The following C1QTNF3 variants were observed in gnomAD, a reference collection of about 807,000 sequenced individuals.
C1QTNF3 encodes complement C1q tumor necrosis factor-related protein 3.
A neutral mutation model predicts 32.6 loss-of-function variants in C1QTNF3; 26 were observed. The observed-to-expected ratio is 0.80, with a 90% CI of 0.58 to 1.11. The LOEUF is 1.11. C1QTNF3 is among the 50% of genes least tolerant of loss of function. C1QTNF3 has a pLI of 0.00. For missense variants in C1QTNF3, 362 were observed against 398.2 expected, an observed-to-expected ratio of 0.91 and a Z score of 0.77; for synonymous variants, 155 against 146.0, an observed-to-expected ratio of 1.06 and a Z score of -0.44.
the C1QTNF3 span, among the ~76,000 whole-genome samples, chr5:34,229,545 G>C: frequency 6.6e-6 from 1 of 152,146 alleles, no homozygotes; most frequent in Non-Finnish European, 1.5e-5. Context: ...GCAGGACAGA[G>C]TTTGCAAATG....
chr5:34,173,209 C>T, the C1QTNF3 span, among the ~76,000 whole-genome samples: 6 of 151,938 alleles, frequency 3.9e-5, no homozygotes, highest in Non-Finnish European at 7.4e-5. Flanking sequence ...ATTAGATTTC[C>T]GCATGTATGA....
chr5:34,224,798 A>T, the C1QTNF3 span, among the ~76,000 whole-genome samples: 1 of 152,196 alleles, frequency 6.6e-6, no homozygotes, highest in South Asian at 2.1e-4. Context: ...CAAAATTGAC[A>T]AATGGGATCT....
At chr5:34,158,927 G>A in the C1QTNF3 span, among the ~76,000 whole-genome samples, 1 of 151,246 alleles carries the variant, frequency 6.6e-6, no homozygotes, top group African/African-American at 2.4e-5. Flanking sequence ...CTGAAGTGAG[G>A]GATTTAGGAG....
the C1QTNF3 span, among the ~76,000 whole-genome samples, chr5:34,122,185 G>A: frequency 4.6e-5 from 7 of 152,306 alleles, no homozygotes; most frequent in South Asian, 1.5e-3. Context: ...GAGGCTAAAA[G>A]AGTTTCAAAG....
chr5:34,105,465 T>G, the C1QTNF3 span, among the ~76,000 whole-genome samples: 1 of 151,922 alleles, frequency 6.6e-6, no homozygotes, highest in Non-Finnish European at 1.5e-5. Flanking sequence ...GACCCTCTCC[T>G]TGTGCTAGAA....
chr5:34,197,833 T>C, the C1QTNF3 span, among the ~76,000 whole-genome samples: 105 of 152,216 alleles, frequency 6.9e-4, 2 homozygotes, highest in East Asian at 0.015. Context: ...ATCAAGGTGC[T>C]TGAGGATTTG....
the C1QTNF3 span, among the ~76,000 whole-genome samples, chr5:34,089,065 A>C: frequency 6.6e-6 from 1 of 152,140 alleles, no homozygotes; most frequent in Non-Finnish European, 1.5e-5. Flanking sequence ...CTTGGGATCA[A>C]CACTTGCTGG....
chr5:34,212,624 CATTT>C, the C1QTNF3 span, among the ~76,000 whole-genome samples: 1 of 151,632 alleles, frequency 6.6e-6, no homozygotes, highest in Non-Finnish European at 1.5e-5. Flanking sequence ...CAAAAGAAGA[CATTT>C]ATGCAGCCAA....
chr5:34,155,691 T>A, the C1QTNF3 span, among the ~76,000 whole-genome samples: 3 of 152,214 alleles, frequency 2.0e-5, no homozygotes, highest in Non-Finnish European at 4.4e-5. Flanking sequence ...TTTAAAAATC[T>A]AAAAATATTT....
chr5:34,020,595 A>G lies in C1QTNF3; in HGVS notation c.948T>C (p.Phe316=). ...TCTAGTCATATATTTACTTAGTTTC[A>G]AAGAGCAGGAATCCTGCAAAGGTGG... The part of the protein sequence containing the change: ...RFSTFAGFLL[F]ETK Residue 316 remains phenylalanine (F), a synonymous_variant, in exon 6 of 6, where the codon TTT becomes TTC. Coordinates refer to ENST00000382065, the MANE Select transcript of C1QTNF3 (RefSeq NM_181435.6). 2 of 1,614,082 alleles carry G rather than the reference A, an allele frequency of 1.2e-6. No individual in the cohort carries two copies. The highest frequency in any genetic ancestry group is 1.7e-6 in the Non-Finnish European group (2 of 1,179,974).
the C1QTNF3 span, among the ~76,000 whole-genome samples, chr5:34,113,390 G>C: frequency 1.3e-5 from 2 of 150,832 alleles, no homozygotes; most frequent in Admixed American, 6.6e-5. Flanking sequence ...AGGGCTAGTA[G>C]AAGATTTTGA....
At chr5:34,058,883 T>C in the C1QTNF3 span, among the ~76,000 whole-genome samples, 1 of 152,108 alleles carries the variant, frequency 6.6e-6, no homozygotes, top group African/African-American at 2.4e-5. Flanking sequence ...TCTCCAACTT[T>C]CTTTGAGGTT....
chr5:34,138,105 G>C, the C1QTNF3 span, among the ~76,000 whole-genome samples: 1 of 151,420 alleles, frequency 6.6e-6, no homozygotes, highest in Admixed American at 6.5e-5. Flanking sequence ...AAGCCAAGGA[G>C]AGGCCTCAGC....
the C1QTNF3 span, among the ~76,000 whole-genome samples, chr5:34,147,827 T>A: frequency 2.1e-4 from 32 of 151,940 alleles, no homozygotes; most frequent in Non-Finnish European, 5.9e-5. Context: ...AAGTTGAAAT[T>A]AAAAACAAAA....
At chr5:34,172,403 T>C in the C1QTNF3 span, among the ~76,000 whole-genome samples, 1 of 117,416 alleles carries the variant, frequency 8.5e-6, no homozygotes, top group African/African-American at 3.4e-5. Flanking sequence ...GCTGGTTAAC[T>C]GAAACCAGGG....
At chr5:34,050,789 A>C in the C1QTNF3 span, among the ~76,000 whole-genome samples, 1 of 152,090 alleles carries the variant, frequency 6.6e-6, no homozygotes, top group African/African-American at 2.4e-5. Flanking sequence ...TCTCTTCCTA[A>C]GTTCCTATTA....
At chr5:34,206,276 ACT>A in the C1QTNF3 span, among the ~76,000 whole-genome samples, 13 of 147,172 alleles carry the variant, frequency 8.8e-5, no homozygotes, top group African/African-American at 3.2e-4. Context: ...TTCCAAAGAT[ACT>A]GTCACAATTC....
chr5:34,173,813 A>C, the C1QTNF3 span, among the ~76,000 whole-genome samples: 1 of 148,720 alleles, frequency 6.7e-6, no homozygotes. Context: ...TAAACTACTG[A>C]AGTTAAAATG....
chr5:34,060,260 T>C, the C1QTNF3 span, among the ~76,000 whole-genome samples: 2 of 152,192 alleles, frequency 1.3e-5, no homozygotes, highest in East Asian at 3.9e-4. Context: ...TGAGGCAATT[T>C]TGTTGTAGTG....
Sources: allele counts gnomAD v4.1 joint callset (sites outside exome capture counted in the v4.1 genomes callset), GRCh38; gene constraint gnomAD v4.1.1; transcripts MANE v1.5; gene names NCBI Gene and HGNC (gene_info 2026-07-23, HGNC 2026-07-21).